The following TIMM21 variants were observed in gnomAD, a reference collection of about 807,000 sequenced individuals.
TIMM21 encodes mitochondrial import inner membrane translocase subunit Tim21.
TIMM21 carries 30 observed loss-of-function variants against 27.7 expected under a neutral mutation model. That is an observed-to-expected ratio of 1.08 (90% CI 0.81 to 1.47). The LOEUF is 1.47. Among genes scored for constraint, TIMM21 ranks in the 40% most tolerant of loss-of-function variants. TIMM21 has a pLI of 0.00. For synonymous variants in TIMM21, 121 were observed against 114.4 expected, an observed-to-expected ratio of 1.06 and a Z score of -0.37; for missense variants, 292 against 302.9, an observed-to-expected ratio of 0.96 and a Z score of 0.27.
At position 74,160,509 on chromosome 18, in the gene TIMM21, G is replaced by A. The variant is rs1043976164; in HGVS notation, c.*2029G>A. The stretch of plus-strand genomic sequence containing the variant: ...CCCTACTAAATGTTAAAATTTCTGT[G>A]TTTTAAGACCCTCTTTAATCCACTT... On this transcript the variant is annotated 3_prime_UTR_variant, in exon 6 of 6. Transcript: ENST00000169551. The A allele has an allele frequency of 1.3e-5, 2 of 152,154 alleles. No individual in the cohort carries two copies. Among genetic ancestry groups the A allele is most frequent in the East Asian group, 3.8e-4 (2 of 5,198 alleles). 9.4% of individuals were successfully genotyped at this position (152,154 alleles called of 1,614,324 possible).
intron 3 of TIMM21, chr18:74,157,174 G>T (rs1028480298): frequency 6.6e-6 from 1 of 152,118 alleles, no homozygotes; most frequent in East Asian, 1.9e-4. Flanking sequence ...ACTTCATGTG[G>T]ATTTTCTCAT....
chr18:74,149,927 G>A (rs1225490115), intron 1 of TIMM21, among the ~76,000 whole-genome samples: 4 of 152,224 alleles, frequency 2.6e-5, no homozygotes, highest in African/African-American at 7.2e-5. Context: ...CCATTCAGAC[G>A]TGACAGTCCT....
rs1331977444 is a variant in TIMM21 at position 74,153,588 on chromosome 18, A to C, written c.302-1557A>C. On this transcript the variant is annotated intron_variant, in intron 1 of 5. Transcript: ENST00000169551. ...CCCCAACTCCTGAACCTTGGAAGGG[A>C]AATTGGATTTGTGACAATTGTTTGA... Among the ~76,000 whole-genome samples, 5 of 152,342 alleles carry C rather than the reference A, an allele frequency of 3.3e-5. No homozygotes were observed. In the South Asian group the frequency reaches 6.2e-4, roughly 19 times the overall value.
chr18:74,150,463 TAGAC>T (rs1320034829), intron 1 of TIMM21, among the ~76,000 whole-genome samples: 1 of 152,190 alleles, frequency 6.6e-6, no homozygotes, highest in Non-Finnish European at 1.5e-5. Context: ...GCTACTGTAT[TAGAC>T]AGCCCAGGTC....
chr18:74,157,853 C>G (rs1013446637), intron 3 of TIMM21, 161 bp from the exon 4 acceptor site: 1 of 731,836 alleles, frequency 1.4e-6, no homozygotes, highest in African/African-American at 1.8e-5. Flanking sequence ...TCTTGGCCTC[C>G]CAGATTGCTG....
chr18:74,149,234 A>G, intron 1 of TIMM21, 125 bp downstream of exon 1: 2 of 1,123,060 alleles, frequency 1.8e-6, no homozygotes, highest in South Asian at 1.7e-5. Flanking sequence ...AAAACCGTTT[A>G]AACATAATTT....
At position 74,148,684 on chromosome 18, in the gene TIMM21, G is replaced by T. The variant is rs1979677397; in HGVS notation, c.-125G>T. ...TTACGCTGCGGAAACTGACGTTTTT[G>T]CCTAACACCCCATGTAATGTAAACG... is the stretch of plus-strand genomic sequence containing the variant. On this transcript the variant is annotated 5_prime_UTR_variant, in exon 1 of 6. Coordinates refer to ENST00000169551, the MANE Select transcript of TIMM21 (RefSeq NM_014177.3). 6 of 951,362 alleles carry T rather than the reference G, an allele frequency of 6.3e-6. No individual in the cohort carries two copies. Among genetic ancestry groups the T allele is most frequent in the Non-Finnish European group, 9.4e-6 (6 of 637,286 alleles). 58.9% of individuals were successfully genotyped at this position (951,362 alleles called of 1,614,324 possible).
At chr18:74,158,301 T>C in intron 5 of TIMM21, 25 bp downstream of exon 5, 1 of 1,613,306 alleles carries the variant, frequency 6.2e-7, no homozygotes, top group Non-Finnish European at 8.5e-7. Context: ...GGATGTGGGG[T>C]CAGAGGTTCT....
At chr18:74,151,970 C>A (rs1030996009) in intron 1 of TIMM21, among the ~76,000 whole-genome samples, 2 of 149,016 alleles carry the variant, frequency 1.3e-5, no homozygotes, top group Non-Finnish European at 3.0e-5. Context: ...CCAGCTCCTT[C>A]CGAGTATTGT....
rs1359152390 is a variant in TIMM21, at chr18:74,152,866, G to C, written c.302-2279G>C. On this transcript the variant is annotated intron_variant, in intron 1 of 5. Coordinates refer to ENST00000169551, the MANE Select transcript of TIMM21 (RefSeq NM_014177.3). This position sits in a 1 kb window ranked among gnomAD's most constrained non-coding sequence, Gnocchi z 4.1. ...ATTTGCAGTTGGGGCCTCAGCTGCT[G>C]CTCTGGGGACTTCTGGAGCTGAGCT... Among the ~76,000 whole-genome samples the C allele has an allele frequency of 6.6e-6, 1 of 152,216 alleles. No individual in the cohort carries two copies. The highest frequency in any genetic ancestry group is 1.9e-4 in the East Asian group (1 of 5,192).
chr18:74,150,796 G>A (rs1004171119), intron 1 of TIMM21, among the ~76,000 whole-genome samples: 10 of 152,166 alleles, frequency 6.6e-5, no homozygotes, highest in Non-Finnish European at 1.3e-4. Context: ...ACAAGGGACC[G>A]TGATGGGGAT....
intron 1 of TIMM21, among the ~76,000 whole-genome samples, chr18:74,153,830 A>G (rs1390746159): frequency 6.6e-6 from 1 of 152,226 alleles, no homozygotes; most frequent in Non-Finnish European, 1.5e-5. Flanking sequence ...TAACAGCAAC[A>G]TCTATTAAAA....
chr18:74,156,256 C>G (rs893466734), intron 3 of TIMM21: 2 of 398,508 alleles, frequency 5.0e-6, no homozygotes, highest in African/African-American at 2.1e-5. Flanking sequence ...TCACACAGAC[C>G]AAGGAGTAAT....
chr18:74,154,992 C>G lies in TIMM21; in HGVS notation c.302-153C>G, dbSNP rs527519286. 1.9e-5 allele frequency: 13 copies of G among 673,256 alleles called. 1 individual carries two copies. The African/African-American group carries it at 2.0e-4, about 10-fold the overall frequency. 41.7% of individuals were successfully genotyped at this position (673,256 alleles called of 1,614,324 possible). ...AGAATTCTGCTGAGGCGCTGACACACAGGGAGTTTTCAAAACAGCTGCCCC... is the reference window on the plus strand; with the variant it reads ...AGAATTCTGCTGAGGCGCTGACACAGAGGGAGTTTTCAAAACAGCTGCCCC... On this transcript the variant is annotated intron_variant, in intron 1 of 5. Coordinates refer to ENST00000169551, the MANE Select transcript of TIMM21 (RefSeq NM_014177.3).
chr18:74,149,229 C>G, intron 1 of TIMM21, 120 bp downstream of exon 1: 3 of 1,137,590 alleles, frequency 2.6e-6, no homozygotes, highest in Non-Finnish European at 3.7e-6. Context: ...TTTTAAAAAC[C>G]GTTTAAACAT....
At chr18:74,150,726 A>G (rs570510922) in intron 1 of TIMM21, among the ~76,000 whole-genome samples, 1 of 152,210 alleles carries the variant, frequency 6.6e-6, no homozygotes, top group Non-Finnish European at 1.5e-5. Context: ...TTGAGTTTGC[A>G]GTTAACCACT....
chr18:74,155,584 T>C, intron 3 of TIMM21, 181 bp downstream of exon 3: 1 of 578,722 alleles, frequency 1.7e-6, no homozygotes, highest in South Asian at 2.5e-5. Flanking sequence ...CAAAAGTCAG[T>C]GTACAGATGT....
chr18:74,154,314 T>C (rs938516028), intron 1 of TIMM21, among the ~76,000 whole-genome samples: 2 of 152,146 alleles, frequency 1.3e-5, no homozygotes, highest in African/African-American at 4.8e-5. Context: ...CAGGCCGTAG[T>C]GCAGTGGCGC....
At chr18:74,150,304 T>A (rs1399886177) in intron 1 of TIMM21, among the ~76,000 whole-genome samples, 1 of 152,244 alleles carries the variant, frequency 6.6e-6, no homozygotes, top group Non-Finnish European at 1.5e-5. Flanking sequence ...AGAAATGTCC[T>A]ATATCTGTGC....
Sources: gnomAD v4.1 joint callset for allele counts (sites outside exome capture counted in the v4.1 genomes callset) on GRCh38, gnomAD v4.1.1 for gene constraint, Gnocchi (gnomAD v3.1) non-coding constraint, MANE v1.5 for transcripts, NCBI Gene and HGNC (gene_info 2026-07-23, HGNC 2026-07-21) for gene names.